Variants in PLEKHG1 observed in about 807,000 individuals in gnomAD.
PLEKHG1 encodes pleckstrin homology and RhoGEF domain containing G1.
In PLEKHG1, 44 loss-of-function variants were observed where a neutral mutation model predicts 100.8. That is an observed-to-expected ratio of 0.44 (90% CI 0.34 to 0.56). PLEKHG1 has a LOEUF of 0.56. PLEKHG1 is among the 20% of genes least tolerant of loss of function. The pLI, the probability that PLEKHG1 is intolerant of heterozygous loss-of-function variation, is 0.01. For synonymous variants in PLEKHG1, 640 were observed against 662.5 expected (o/e 0.97, Z 0.52); for missense variants, 1,545 against 1,720.9 (o/e 0.90, Z 1.81).
chr6:150,814,341 C>T (rs899387719), intron 10 of PLEKHG1, among the ~76,000 whole-genome samples: 1 of 152,226 alleles, frequency 6.6e-6, no homozygotes, highest in Non-Finnish European at 1.5e-5. Context: ...CTGTCTTTCT[C>T]CCACGCTAGG....
intron 2 of PLEKHG1, among the ~76,000 whole-genome samples, chr6:150,735,977 C>T (rs1394950937): frequency 6.6e-6 from 1 of 152,116 alleles, no homozygotes; most frequent in East Asian, 1.9e-4. Flanking sequence ...TGAAGCTGTC[C>T]ACGTGTTCTT....
intron 1 of PLEKHG1, among the ~76,000 whole-genome samples, chr6:150,630,046 G>A (rs1385286852): frequency 6.6e-6 from 1 of 152,142 alleles, no homozygotes; most frequent in Admixed American, 6.5e-5. Context: ...ATTTCACAGG[G>A]GATTACTGGT....
Position 150,738,414 on chromosome 6 carries a change from G to C in PLEKHG1, c.411+4322G>C, listed in dbSNP as rs114205672. On this transcript the variant is annotated intron_variant, in intron 2 of 15. Coordinates refer to ENST00000358517, the Ensembl canonical transcript of PLEKHG1. ...GATGATTTGACATTTCAACACAGTC[G>C]CAAATATCAGAGCAGCTTATTTCTG... 6.7e-3 allele frequency among the ~76,000 whole-genome samples: 1,017 copies of C among 152,180 alleles called. 16 individuals are homozygous for C. The highest frequency in any genetic ancestry group is 0.023 in the African/African-American group (951 of 41,480).
At chr6:150,617,406 G>A (rs1231525437) in intron 1 of PLEKHG1, among the ~76,000 whole-genome samples, 1 of 152,192 alleles carries the variant, frequency 6.6e-6, no homozygotes, top group Middle Eastern at 3.2e-3. Flanking sequence ...TGATGCCCTA[G>A]TGAAATTTAA....
chr6:150,807,859 C>G (rs530709576), intron 7 of PLEKHG1, among the ~76,000 whole-genome samples: 11 of 152,212 alleles, frequency 7.2e-5, no homozygotes, highest in Admixed American at 7.2e-4. Flanking sequence ...ATCCCAGCTA[C>G]TTGAGAGGCT....
intron 3 of PLEKHG1, among the ~76,000 whole-genome samples, chr6:150,769,039 TG>T (rs1784584731): frequency 6.6e-6 from 1 of 152,188 alleles, no homozygotes; most frequent in South Asian, 2.1e-4. Context: ...AATATGTACT[TG>T]CTTAGTCTCC....
At chr6:150,700,040 A>G (rs1209343054) in intron 3 of PLEKHG1, among the ~76,000 whole-genome samples, 1 of 152,188 alleles carries the variant, frequency 6.6e-6, no homozygotes, top group Non-Finnish European at 1.5e-5. Context: ...CTATTGCTTC[A>G]AATTGGTTTT....
intron 3 of PLEKHG1, among the ~76,000 whole-genome samples, chr6:150,707,852 C>A (rs1781086546): frequency 2.0e-5 from 3 of 152,154 alleles, no homozygotes; most frequent in Admixed American, 2.0e-4. Flanking sequence ...ACTTGGCCAG[C>A]TCAGCTGTCA....
intron 3 of PLEKHG1, among the ~76,000 whole-genome samples, chr6:150,707,218 G>T (rs1373238367): frequency 6.6e-6 from 1 of 151,428 alleles, no homozygotes; most frequent in African/African-American, 2.4e-5. Context: ...TGGCCAGGCT[G>T]GTCTTGAACT....
intron 3 of PLEKHG1, among the ~76,000 whole-genome samples, chr6:150,689,458 T>C (rs960836567): frequency 6.6e-6 from 1 of 152,216 alleles, no homozygotes; most frequent in Non-Finnish European, 1.5e-5. Context: ...GTTAAAAAAA[T>C]CTTTTTGTCT....
At chr6:150,774,750 G>A (rs1010339939) in intron 3 of PLEKHG1, among the ~76,000 whole-genome samples, 1 of 151,640 alleles carries the variant, frequency 6.6e-6, no homozygotes, top group African/African-American at 2.4e-5. Context: ...GTGTTGGCCA[G>A]GCTGGTCACG....
At chr6:150,704,477 T>G (rs536730163) in intron 3 of PLEKHG1, among the ~76,000 whole-genome samples, 2 of 152,230 alleles carry the variant, frequency 1.3e-5, no homozygotes, top group Non-Finnish European at 2.9e-5. Context: ...CTTGACCCCA[T>G]CAAAGCGTTT....
exon 16 of PLEKHG1, chr6:150,840,170 A>G (rs765886913): frequency 1.9e-6 from 3 of 1,614,150 alleles, no homozygotes; most frequent in African/African-American, 2.7e-5. Context: ...CTGTGCAGAG[A>G]TGCAGCGTGG....
intron 5 of PLEKHG1, among the ~76,000 whole-genome samples, chr6:150,799,799 C>T (rs899452448): frequency 1.3e-5 from 2 of 152,176 alleles, no homozygotes; most frequent in Non-Finnish European, 2.9e-5. Context: ...CTGATTTTCT[C>T]AATTAATCCT....
intron 2 of PLEKHG1, among the ~76,000 whole-genome samples, chr6:150,650,131 G>C (rs1210757731): frequency 6.6e-6 from 1 of 150,852 alleles, no homozygotes; most frequent in Non-Finnish European, 1.5e-5. Context: ...AATTTCACCA[G>C]ATGTAAGCCT....
chr6:150,777,308 G>A (rs1785035645), intron 3 of PLEKHG1, among the ~76,000 whole-genome samples: 1 of 149,866 alleles, frequency 6.7e-6, no homozygotes, highest in Non-Finnish European at 1.5e-5. Context: ...CAATCCTGGT[G>A]CACATGTGCA....
intron 3 of PLEKHG1, among the ~76,000 whole-genome samples, chr6:150,706,981 C>CTT (rs148489852): frequency 2.0e-5 from 1 of 50,890 alleles, no homozygotes; most frequent in African/African-American, 5.8e-5. Context: ...TTTTTCTTTT[C>CTT]TTTTCTTTTT....
chr6:150,707,201 G>A (rs1004480450), intron 3 of PLEKHG1, among the ~76,000 whole-genome samples: 23 of 151,390 alleles, frequency 1.5e-4, no homozygotes, highest in African/African-American at 5.3e-4. Flanking sequence ...GACGGGTTTT[G>A]CCATGTTGGC....
intron 2 of PLEKHG1, among the ~76,000 whole-genome samples, chr6:150,646,957 T>G (rs1284875923): frequency 6.6e-6 from 1 of 152,240 alleles, no homozygotes; most frequent in African/African-American, 2.4e-5. Context: ...TCATTTCTGG[T>G]AGCCCCTTAT....
Sources: allele counts gnomAD v4.1 joint callset (sites outside exome capture counted in the v4.1 genomes callset), GRCh38; gene constraint gnomAD v4.1.1; transcripts MANE v1.5; gene names NCBI Gene and HGNC (gene_info 2026-07-23, HGNC 2026-07-21).